Variants in AASS observed in about 807,000 individuals in gnomAD.
The protein encoded by AASS is alpha-aminoadipic semialdehyde synthase, mitochondrial.
In AASS, 86 loss-of-function variants were observed where a neutral mutation model predicts 105.4. The ratio of observed to expected loss-of-function variants is 0.82; its 90% CI spans 0.69 to 0.98. The LOEUF is 0.98. AASS is among the 50% of genes least tolerant of loss of function. The pLI is 0.00. For missense variants in AASS, 1,048 were observed against 1,143.2 expected (o/e 0.92, Z 1.20); for synonymous variants, 381 against 394.8 (o/e 0.96, Z 0.41).
Position 122,143,875 on chromosome 7 carries a change from T to G in AASS, c.-16+286A>C, listed in dbSNP as rs903634642. Among the ~76,000 whole-genome samples, 15 of 152,326 alleles carry G rather than the reference T, an allele frequency of 9.8e-5. No homozygotes were observed. In the East Asian group the frequency reaches 2.9e-3, roughly 30 times the overall value. On this transcript the variant is annotated intron_variant, in intron 1 of 23. Transcript: ENST00000417368. ...GAATTGCAATCCCTCGCCTTTCTAC[T>G]TAGAAATGCTGGAGCTGCGCTGACC...
At chr7:122,136,319 C>G (rs1796138246) in intron 1 of AASS, among the ~76,000 whole-genome samples, 1 of 152,050 alleles carries the variant, frequency 6.6e-6, no homozygotes, top group Non-Finnish European at 1.5e-5. Context: ...AGACAACAGA[C>G]CAAACAGCGA....
At chr7:122,099,774 C>T (rs1158786770) in intron 13 of AASS, among the ~76,000 whole-genome samples, 1 of 148,952 alleles carries the variant, frequency 6.7e-6, no homozygotes, top group Non-Finnish European at 1.5e-5. Context: ...TAATTTTTAA[C>T]AAATAAAAAT....
In AASS at chr7:122,099,011, AT is replaced by A. The variant is rs1359928992; in HGVS notation, c.1407-146del. On this transcript the variant is annotated intron_variant, in intron 13 of 23. Coordinates refer to ENST00000417368, the MANE Select transcript of AASS (RefSeq NM_005763.4). Reference sequence around the variant, plus strand: ...TCTCTTCACATTACTTAAAATAAGAATTTCAACATGAATGAGTTCCCTATAA... The same window carrying A: ...TCTCTTCACATTACTTAAAATAAGAATTCAACATGAATGAGTTCCCTATAA... 194 of 900,540 alleles carry A rather than the reference AT, an allele frequency of 2.2e-4. 2 individuals are homozygous for A. Among genetic ancestry groups the A allele is most frequent in the South Asian group, 6.8e-4 (35 of 51,700 alleles). 55.8% of individuals were successfully genotyped at this position (900,540 alleles called of 1,614,324 possible).
At chr7:122,128,737 T>A (rs1450589678) in intron 3 of AASS, among the ~76,000 whole-genome samples, 4 of 152,186 alleles carry the variant, frequency 2.6e-5, no homozygotes, top group African/African-American at 9.7e-5. Context: ...TTTTTCATAG[T>A]ATTTCTATCT....
rs1488775597 is a variant in AASS at position 122,116,639 on chromosome 7, AT to A, written c.887del (p.Asn296IlefsTer11). Reference protein sequence around the residue: ...KHPERYISRFNTDIAPYTTCL... With the variant: ...KHPERYISRFXTDIAPYTTCL... Reference sequence around the variant, plus strand: ...AGGTGAATATGATACTCACATCAGTATTAAAACGACTTATGTAGCGCTCCGG... The same window carrying A: ...AGGTGAATATGATACTCACATCAGTATAAAACGACTTATGTAGCGCTCCGG... On this transcript the variant is annotated frameshift_variant, in exon 8 of 24. Transcript: ENST00000417368. LOFTEE classifies it high-confidence loss of function. 3 of 1,613,994 alleles carry A rather than the reference AT, an allele frequency of 1.9e-6. No homozygotes were observed. In the African/African-American group the frequency reaches 4.0e-5, roughly 22 times the overall value.
chr7:122,087,079 T>G (rs2150512609), intron 18 of AASS, among the ~76,000 whole-genome samples: 1 of 152,336 alleles, frequency 6.6e-6, no homozygotes, highest in South Asian at 2.1e-4. Flanking sequence ...ATTTTATCCT[T>G]ATTGTACCAC....
chr7:122,118,597 CT>C lies in AASS; in HGVS notation c.505del (p.Arg169GlyfsTer41). ...MINILHGMGLRLLALGHHTPF... is the reference protein window; with the variant it reads ...MINILHGMGLXLLALGHHTPF... Reference sequence around the variant, plus strand: ...TGTGTGATGTCCCAAAGCAAGGAGCCTTAAACCCATTCCATGTAAAATGTTG... The same window carrying C: ...TGTGTGATGTCCCAAAGCAAGGAGCCTAAACCCATTCCATGTAAAATGTTG... On this transcript the variant is annotated frameshift_variant, in exon 5 of 24. Transcript: ENST00000417368. LOFTEE classifies it high-confidence loss of function. 6.2e-7 allele frequency: 1 copy of C among 1,614,022 alleles called. No homozygotes were observed. Among genetic ancestry groups the C allele is most frequent in the Non-Finnish European group, 8.5e-7 (1 of 1,179,962 alleles).
Position 122,075,264 on chromosome 7 carries a change from C to A in AASS, c.*1225G>T, listed in dbSNP as rs773052666. On this transcript the variant is annotated 3_prime_UTR_variant, in exon 24 of 24. Coordinates refer to ENST00000417368, the MANE Select transcript of AASS (RefSeq NM_005763.4). Reference sequence around the variant, plus strand: ...GATAACCAATTTCTGCATATTTAATCCTGTATCCTGTAACTTTGCTGAATT... The same window carrying A: ...GATAACCAATTTCTGCATATTTAATACTGTATCCTGTAACTTTGCTGAATT... Among the ~76,000 whole-genome samples the A allele has an allele frequency of 4.6e-5, 7 of 152,158 alleles. No individual in the cohort carries two copies. Among genetic ancestry groups the A allele is most frequent in the Non-Finnish European group, 7.3e-5 (5 of 68,032 alleles).
At chr7:122,117,011 T>C (rs1795214933) in intron 6 of AASS, 54 bp from the exon 7 acceptor site, 1 of 1,484,538 alleles carries the variant, frequency 6.7e-7, no homozygotes, top group African/African-American at 1.4e-5. Context: ...AGAACCAACA[T>C]GGTTTTCTGC....
chr7:122,090,124 T>G (rs931590269), intron 18 of AASS, among the ~76,000 whole-genome samples: 2 of 152,166 alleles, frequency 1.3e-5, no homozygotes, highest in East Asian at 3.9e-4. Context: ...ATCCGGTAGA[T>G]CTTTTCAACT....
chr7:122,093,605 G>A lies in AASS; in HGVS notation c.1656-447C>T, dbSNP rs984072764. ...ACAGGTGAGTCGCTTGGGCCCAGGA[G>A]TCGAGACCAGCTTGGACAAGATGGT... On this transcript the variant is annotated intron_variant, in intron 15 of 23. Transcript: ENST00000417368. 3.9e-5 allele frequency among the ~76,000 whole-genome samples: 6 copies of A among 152,164 alleles called. No individual in the cohort carries two copies. The South Asian group carries it at 1.0e-3, about 26-fold the overall frequency.
At chr7:122,078,111 C>G (rs764775526) in intron 22 of AASS, 97 bp from the exon 23 acceptor site, 4 of 1,189,158 alleles carry the variant, frequency 3.4e-6, no homozygotes, top group Non-Finnish European at 5.0e-6. Context: ...AAAGTTTTCC[C>G]TCCTTTTATA....
chr7:122,077,862 T>C lies in AASS; in HGVS notation c.2638A>G (p.Met880Val), dbSNP rs530285419. 36 of 1,614,192 alleles carry C rather than the reference T, an allele frequency of 2.2e-5. No individual in the cohort carries two copies. In the South Asian group the frequency reaches 3.8e-4, roughly 17 times the overall value. ...CCATCAAGCAACATTTTGGCTGCCA[T>C]GGCGGTGGGTAACCCCACGGTTTTA... Reference protein sequence around the residue: ...MAKTVGLPTAMAAKMLLDGEI... With the variant: ...MAKTVGLPTAVAAKMLLDGEI... Residue 880 changes from methionine (M) to valine (V), a missense_variant, in exon 23 of 24, where the codon ATG becomes GTG. Met to Val is a conservative substitution (Grantham distance 21). Transcript: ENST00000417368.
chr7:122,086,994 T>C (rs539363962), intron 18 of AASS, among the ~76,000 whole-genome samples: 1 of 152,312 alleles, frequency 6.6e-6, no homozygotes, highest in East Asian at 1.9e-4. Flanking sequence ...ATTATTATTG[T>C]TGAGATAAAG....
At chr7:122,100,670 T>C (rs996927417) in intron 13 of AASS, among the ~76,000 whole-genome samples, 1 of 151,412 alleles carries the variant, frequency 6.6e-6, no homozygotes, top group Non-Finnish European at 1.5e-5. Context: ...ACCAGCAGAG[T>C]AGATATAAAC....
intron 17 of AASS, 152 bp downstream of exon 17, chr7:122,092,691 T>C (rs1793962521): frequency 2.9e-6 from 2 of 700,030 alleles, no homozygotes; most frequent in Admixed American, 2.1e-5. Context: ...GCCGTTGCAC[T>C]CCAGCCTGGG....
chr7:122,086,028 C>G lies in AASS; in HGVS notation c.2168G>C (p.Gly723Ala). 2 of 1,613,424 alleles carry G rather than the reference C, an allele frequency of 1.2e-6. No individual in the cohort carries two copies. Among genetic ancestry groups the G allele is most frequent in the Non-Finnish European group, 1.7e-6 (2 of 1,179,684 alleles). ...GISSAHTLLR[G>A]TLRYKGYMKA... ...GCTGCTTACCTTATATCTCAGTGTC[C>G]CCCGCAACAAAGTGTGAGCAGAAGA... Residue 723 changes from glycine (G) to alanine (A), a missense_variant, in exon 19 of 24, where the codon GGG (glycine) becomes GCG (alanine). Physicochemically the swap from Gly to Ala is moderately conservative, Grantham distance 60 (BLOSUM62 0). Transcript: ENST00000417368.
At chr7:122,128,165 A>G (rs1265539852) in intron 3 of AASS, among the ~76,000 whole-genome samples, 2 of 152,096 alleles carry the variant, frequency 1.3e-5, no homozygotes, top group South Asian at 2.1e-4. Context: ...ACATTTCACA[A>G]CTTTCTCTTC....
chr7:122,101,259 T>C (rs1421011854), intron 13 of AASS, 112 bp downstream of exon 13: 1 of 873,128 alleles, frequency 1.1e-6, no homozygotes, highest in African/African-American at 1.7e-5. Flanking sequence ...TATCAAAATT[T>C]ATATAGTGTA....
Sources: allele counts gnomAD v4.1 joint callset (sites outside exome capture counted in the v4.1 genomes callset), GRCh38; gene constraint gnomAD v4.1.1; transcripts MANE v1.5; gene names NCBI Gene and HGNC (gene_info 2026-07-23, HGNC 2026-07-21).